Variants in SURF6 observed in about 807,000 individuals in gnomAD.
SURF6 encodes surfeit 6, also known as surfeit locus protein 6.
In SURF6, 28 loss-of-function variants were observed where a neutral mutation model predicts 37.5. The ratio of observed to expected loss-of-function variants is 0.75; its 90% confidence interval spans 0.55 to 1.02. The LOEUF is 1.02. SURF6 is among the 50% of genes least tolerant of loss of function. SURF6 has a pLI of 0.00. For missense variants in SURF6, 560 were observed against 490.5 expected (o/e 1.14, Z -1.34); for synonymous variants, 248 against 210.9 (o/e 1.18, Z -1.52).
intron 2 of SURF6, among the ~76,000 whole-genome samples, 196 bp downstream of exon 2, chr9:133,334,196 A>C (rs897396707): frequency 2.6e-5 from 4 of 152,068 alleles, no homozygotes; most frequent in South Asian, 4.1e-4. Flanking sequence ...CCTGCTAGCC[A>C]TGTGGCCTGG....
Position 133,331,720 on chromosome 9 carries a change from C to T in SURF6, c.*149G>A. 1 of 1,012,394 alleles carries T rather than the reference C, an allele frequency of 9.9e-7. No homozygotes were observed. The highest frequency in any genetic ancestry group is 1.3e-6 in the Non-Finnish European group (1 of 758,752). The allele number at this position is 1,012,394 out of a possible 1,614,324, so 62.7% of individuals were successfully genotyped here. On this transcript the variant is annotated 3_prime_UTR_variant, in exon 5 of 5. Coordinates refer to ENST00000372022, the MANE Select transcript of SURF6 (RefSeq NM_006753.6). ...TCTCACATGGGATCTGTGATCTGGG[C>T]CCTCACAACTCAGCAGAGCACCACT...
chr9:133,333,904 T>A, intron 2 of SURF6, 98 bp from the exon 3 acceptor site: 1 of 970,730 alleles, frequency 1.0e-6, no homozygotes, highest in Non-Finnish European at 1.6e-6. Flanking sequence ...CACTCATGGA[T>A]CTGCAGGGCA....
chr9:133,333,025 A>G, intron 3 of SURF6: 1 of 544,050 alleles, frequency 1.8e-6, no homozygotes, highest in Non-Finnish European at 3.3e-6. Context: ...CATGGTTTCA[A>G]ATGTCATACA....
rs2129911117 is a variant in SURF6 at position 133,331,720 on chromosome 9, C to G, written c.*149G>C. On this transcript the variant is annotated 3_prime_UTR_variant, in exon 5 of 5. Transcript: ENST00000372022. Reference sequence around the variant, plus strand: ...TCTCACATGGGATCTGTGATCTGGGCCCTCACAACTCAGCAGAGCACCACT... The same window carrying G: ...TCTCACATGGGATCTGTGATCTGGGGCCTCACAACTCAGCAGAGCACCACT... 0.091 allele frequency: 92,480 copies of G among 1,011,410 alleles called. 4,783 individuals carry two copies. Among genetic ancestry groups the G allele is most frequent in the Admixed American group, 0.11 (2,783 of 26,492 alleles). 62.7% of individuals were successfully genotyped at this position (1,011,410 alleles called of 1,614,324 possible). A position where few individuals can be genotyped will look rare whatever the true frequency, so the allele number is the denominator to read the frequency against.
At position 133,332,048 on chromosome 9, in the gene SURF6, G is replaced by A. The variant is rs2129914404; in HGVS notation, c.907C>T (p.Arg303Trp). 7.5e-6 allele frequency: 12 copies of A among 1,604,054 alleles called. No homozygotes were observed. The highest frequency in any genetic ancestry group is 2.2e-5 in the East Asian group (1 of 44,870). The change falls in exon 5 of 5, where the codon CGG (arginine) becomes TGG (tryptophan). Residue 303 changes from arginine (R) to tryptophan (W), a missense_variant. Coordinates refer to ENST00000372022, the MANE Select transcript of SURF6 (RefSeq NM_006753.6). ...GTGCGCTTCTCCCACCGGCGCTGCC[G>A]CTGCGCCCTGCGCTTCTCCTTGCGC... is the stretch of plus-strand genomic sequence containing the variant. ...LKRKEKRRAQ[R>W]QRRWEKRTAG... is the part of the protein sequence containing the mutation.
rs2129928116 is a variant in SURF6 at position 133,334,537 on chromosome 9, C to T, written c.159G>A (p.Lys53=). 1 of 1,613,834 alleles carries T rather than the reference C, an allele frequency of 6.2e-7. No individual in the cohort carries two copies. The highest frequency in any genetic ancestry group is 8.5e-7 in the Non-Finnish European group (1 of 1,180,026). The part of the protein sequence containing the change: ...PPKKKRKKTQ[K]KFRKREEKAA... Reference sequence around the variant, plus strand: ...CCTTCTCTTCTCGCTTCCGGAATTTCTTTTGTGTTTTCTTCCTTTTCTTTT... The same window carrying T: ...CCTTCTCTTCTCGCTTCCGGAATTTTTTTTGTGTTTTCTTCCTTTTCTTTT... Residue 53 remains lysine, a synonymous_variant, in exon 2 of 5, where the codon AAG becomes AAA. Coordinates refer to ENST00000372022, the MANE Select transcript of SURF6 (RefSeq NM_006753.6).
In SURF6 at chr9:133,336,128, G is replaced by A. The variant is rs2129934518; in HGVS notation, c.5C>T (p.Ala2Val). The A allele has an allele frequency of 2.5e-6, 4 of 1,611,568 alleles. No homozygotes were observed. The highest frequency in any genetic ancestry group is 1.3e-5 in the African/African-American group (1 of 74,804). Residue 2 changes from alanine to valine, a missense_variant, in exon 1 of 5, where the codon GCC (alanine) becomes GTC (valine). By Grantham distance (64) the Ala-to-Val change is moderately conservative. Coordinates refer to ENST00000372022, the MANE Select transcript of SURF6 (RefSeq NM_006753.6). Reference protein sequence around the residue: MASLLAKDAYLQ... With the variant: MVSLLAKDAYLQ... ...GTAGGCGTCCTTGGCGAGTAGAGAG[G>A]CCATGGCGGAGACCCGGGCCGTTCA... is the stretch of plus-strand genomic sequence containing the variant.
intron 1 of SURF6, among the ~76,000 whole-genome samples, chr9:133,335,109 A>C (rs1174409796): frequency 1.3e-5 from 2 of 152,110 alleles, no homozygotes; most frequent in African/African-American, 4.8e-5. Flanking sequence ...ACAGGCGCCC[A>C]CCACTGTGCC....
rs2129933546 is a variant in SURF6, at chr9:133,336,032, G to A, written c.94+7C>T. 11 of 1,609,340 alleles carry A rather than the reference G, an allele frequency of 6.8e-6. No individual in the cohort carries two copies. The Admixed American group carries it at 1.8e-4, about 27-fold the overall frequency. On this transcript the variant is annotated splice_region_variant and intron_variant, in intron 1 of 4. Transcript: ENST00000372022. ...CCCCTTAGTCCCGGCCCGGCCCTGT[G>A]CGTTACCCCGCGTGCGCGCCTGCTG...
chr9:133,336,071 T>A lies in SURF6; in HGVS notation c.62A>T (p.His21Leu). ...GCGCGCCTGCTGTTCCGGGGCCGAA[T>A]GGGAGCAGATCTTCTTGGCCAGGCT... ...LQSLAKKICSHSAPEQQARTR... is the reference protein window; with the variant it reads ...LQSLAKKICSLSAPEQQARTR... Residue 21 changes from histidine (H) to leucine (L), a missense_variant, in exon 1 of 5, where the codon CAT (histidine) becomes CTT (leucine). His to Leu is a moderately conservative substitution (Grantham distance 99). Coordinates refer to ENST00000372022, the MANE Select transcript of SURF6 (RefSeq NM_006753.6). The A allele has an allele frequency of 6.2e-7, 1 of 1,612,598 alleles. No individual in the cohort carries two copies. The highest frequency in any genetic ancestry group is 8.5e-7 in the Non-Finnish European group (1 of 1,179,826).
chr9:133,333,030 C>T (rs1253469565), intron 3 of SURF6: 1 of 530,540 alleles, frequency 1.9e-6, no homozygotes, highest in East Asian at 3.3e-5. Flanking sequence ...TTTCAAATGT[C>T]ATACATCGTT....
At position 133,336,150 on chromosome 9, in the gene SURF6, T is replaced by A. The variant is rs1835873601; in HGVS notation, c.-18A>T. 1.2e-6 allele frequency: 2 copies of A among 1,603,868 alleles called. No individual in the cohort carries two copies. Among genetic ancestry groups the A allele is most frequent in the South Asian group, 2.2e-5 (2 of 90,684 alleles). On this transcript the variant is annotated 5_prime_UTR_variant, in exon 1 of 5. Coordinates refer to ENST00000372022, the MANE Select transcript of SURF6 (RefSeq NM_006753.6). Reference sequence around the variant, plus strand: ...GAGGCCATGGCGGAGACCCGGGCCGTTCACGACTCACACCTTCCCCGCTGC... The same window carrying A: ...GAGGCCATGGCGGAGACCCGGGCCGATCACGACTCACACCTTCCCCGCTGC...
At position 133,331,816 on chromosome 9, in the gene SURF6, G is replaced by A. The variant is rs1835734497; in HGVS notation, c.*53C>T. 4 of 1,483,700 alleles carry A rather than the reference G, an allele frequency of 2.7e-6. No individual in the cohort carries two copies. In the African/African-American group the frequency reaches 5.7e-5, roughly 21 times the overall value. The allele number at this position is 1,483,700 out of a possible 1,614,324, so 91.9% of individuals were successfully genotyped here. ...ACAGAGCCAGCGTCAAGGACTCAGA[G>A]GGTGTCCTGGAGTCTCCTAGGACGG... On this transcript the variant is annotated 3_prime_UTR_variant, in exon 5 of 5. Coordinates refer to ENST00000372022, the MANE Select transcript of SURF6 (RefSeq NM_006753.6).
intron 2 of SURF6, 114 bp downstream of exon 2, chr9:133,334,272 TCTCGTG>T (rs2129926347): frequency 1.3e-4 from 119 of 883,604 alleles, no homozygotes; most frequent in Admixed American, 2.9e-5. Context: ...CTTGGGGAAG[TCTCGTG>T]CTATCCCTGT....
Position 133,332,663 on chromosome 9 carries a change from G to A in SURF6, c.491C>T (p.Ala164Val), listed in dbSNP as rs2129920356. 1.6e-5 allele frequency: 26 copies of A among 1,612,046 alleles called. No individual in the cohort carries two copies. The highest frequency in any genetic ancestry group is 7.7e-5 in the South Asian group (7 of 91,066). Residue 164 changes from alanine (A) to valine (V), a missense_variant, in exon 4 of 5, where the codon GCG becomes GTG. Physicochemically the swap from Ala to Val is moderately conservative, Grantham distance 64. Transcript: ENST00000372022. ...CTCAGCCTTCCTGGCCTTCTCTTTCGCCCGCAGCTCCTTTCGCTTCCTCTT... is the reference window on the plus strand; with the variant it reads ...CTCAGCCTTCCTGGCCTTCTCTTTCACCCGCAGCTCCTTTCGCTTCCTCTT... ...RKKRKRKELR[A>V]KEKARKAEEA...
chr9:133,335,996 C>A (rs1262476920), intron 1 of SURF6, 43 bp downstream of exon 1: 15 of 1,557,330 alleles, frequency 9.6e-6, no homozygotes, highest in Non-Finnish European at 1.3e-5. Context: ...CCGCGTCCCC[C>A]GTTTCGCAGG....
At position 133,332,250 on chromosome 9, in the gene SURF6, G is replaced by C. The variant is rs2129916765; in HGVS notation, c.705C>G (p.Asn235Lys). 8.7e-6 allele frequency: 14 copies of C among 1,604,266 alleles called. No homozygotes were observed. The highest frequency in any genetic ancestry group is 1.3e-5 in the African/African-American group (1 of 74,932). Residue 235 changes from asparagine to lysine, a missense_variant, in exon 5 of 5, where the codon AAC (asparagine) becomes AAG (lysine). By Grantham distance (94) the Asn-to-Lys change is moderately conservative. Transcript: ENST00000372022. ...GCAGGCGCTCCAGCAGCTGCCGGTA[G>C]TTCCTCCCGGTCAGCGGCGTGAGGT... ...KGNLTPLTGRNYRQLLERLQA... is the reference protein window; with the variant it reads ...KGNLTPLTGRKYRQLLERLQA...
In SURF6 at chr9:133,330,542, T is replaced by C. The variant is rs1382875092; in HGVS notation, c.*1327A>G. ...ACCATGCCAGGCCCTGTTCCACAAA[T>C]TTTAATACGTAGCATTTTCATTATC... On this transcript the variant is annotated 3_prime_UTR_variant, in exon 5 of 5. Coordinates refer to ENST00000372022, the MANE Select transcript of SURF6 (RefSeq NM_006753.6). 3 of 152,192 alleles carry C rather than the reference T, an allele frequency of 2.0e-5. No individual in the cohort carries two copies. Among genetic ancestry groups the C allele is most frequent in the African/African-American group, 7.2e-5 (3 of 41,450 alleles). 9.4% of individuals were successfully genotyped at this position (152,192 alleles called of 1,614,324 possible). A position where few individuals can be genotyped will look rare whatever the true frequency, so the allele number is the denominator to read the frequency against.
chr9:133,330,147 G>T lies in SURF6; in HGVS notation c.*1722C>A, dbSNP rs183991851. 4 of 152,080 alleles carry T rather than the reference G, an allele frequency of 2.6e-5. No homozygotes were observed. The allele number at this position is 152,080 out of a possible 1,614,324, so 9.4% of individuals were successfully genotyped here. A position where few individuals can be genotyped will look rare whatever the true frequency, so the allele number is the denominator to read the frequency against. ...AGCTTTAAAAATACAGACATACAGC[G>T]TATGTGTGTATAAATGGCACTATTT... On this transcript the variant is annotated 3_prime_UTR_variant, in exon 5 of 5. Transcript: ENST00000372022.
Sources: gnomAD v4.1 joint callset for allele counts (sites outside exome capture counted in the v4.1 genomes callset) on GRCh38, gnomAD v4.1.1 for gene constraint, MANE v1.5 for transcripts, NCBI Gene and HGNC (gene_info 2026-07-23, HGNC 2026-07-21) for gene names.